Variants in TSGA10 observed in about 807,000 individuals in gnomAD.
The protein encoded by TSGA10 is testis-specific gene 10 protein.
TSGA10 carries 43 observed loss-of-function variants against 96.6 expected under a neutral mutation model. The observed-to-expected ratio is 0.44, with a 90% CI of 0.35 to 0.57. The LOEUF (loss-of-function observed/expected upper bound fraction) is 0.57, where lower values mean the gene tolerates loss of function less well. TSGA10 is among the 20% of genes least tolerant of loss of function. TSGA10 has a pLI of 0.01. For missense variants in TSGA10, 703 were observed against 834.4 expected, an observed-to-expected ratio of 0.84 and a Z score of 1.94; for synonymous variants, 229 against 269.9, an observed-to-expected ratio of 0.85 and a Z score of 1.48.
In TSGA10 at chr2:99,043,575, A is replaced by G. The variant is rs563442848; in HGVS notation, c.1405-8136T>C. Among the ~76,000 whole-genome samples, 8 of 151,564 alleles carry G rather than the reference A, an allele frequency of 5.3e-5. No homozygotes were observed. In the East Asian group the frequency reaches 1.6e-3, roughly 29 times the overall value. On this transcript the variant is annotated intron_variant, in intron 16 of 20. Coordinates refer to ENST00000393483, the MANE Select transcript of TSGA10 (RefSeq NM_025244.4). ...TAGGATAAAAGCTAAGAGATCTACA[A>G]TCAGACACATCATTATAAAAATGCT...
chr2:99,064,843 T>C (rs2085084127), intron 16 of TSGA10, 96 bp downstream of exon 16: 2 of 1,012,940 alleles, frequency 2.0e-6, no homozygotes, highest in Middle Eastern at 3.0e-4. Flanking sequence ...TTAAATAATT[T>C]ACGTGTTTGT....
intron 16 of TSGA10, among the ~76,000 whole-genome samples, chr2:99,047,342 C>T (rs568490565): frequency 4.6e-5 from 7 of 152,246 alleles, no homozygotes; most frequent in South Asian, 2.1e-4. Context: ...ACTGGCAAAC[C>T]GAATCCAGCA....
At chr2:99,062,562 T>C (rs976203642) in intron 16 of TSGA10, among the ~76,000 whole-genome samples, 1 of 152,012 alleles carries the variant, frequency 6.6e-6, no homozygotes. Context: ...ATAGTAAGAC[T>C]CCATTGCTAC....
intron 2 of TSGA10, chr2:99,126,138 TGTAG>T (rs2092810485): frequency 1.3e-5 from 2 of 152,352 alleles, no homozygotes; most frequent in African/African-American, 4.8e-5. Flanking sequence ...GGCACAAGTG[TGTAG>T]GTGAGGCACA....
intron 1 of TSGA10, chr2:99,141,295 CG>C: frequency 2.1e-6 from 1 of 482,588 alleles, no homozygotes. Flanking sequence ...GAGGAGGGGG[CG>C]GTTAGCGCCA....
intron 20 of TSGA10, among the ~76,000 whole-genome samples, chr2:99,003,624 C>A (rs1268973783): frequency 6.6e-6 from 1 of 152,134 alleles, no homozygotes; most frequent in African/African-American, 2.4e-5. Context: ...TGCAATCAAT[C>A]AAATTAGAAC....
chr2:99,141,698 C>CA (rs1259884591), intron 1 of TSGA10: 6 of 152,826 alleles, frequency 3.9e-5, no homozygotes, highest in African/African-American at 1.4e-4. Context: ...CGCGCATGCG[C>CA]AAGGCTGTCT....
chr2:99,033,198 TCA>T (rs2105063548), intron 17 of TSGA10, among the ~76,000 whole-genome samples: 1 of 152,330 alleles, frequency 6.6e-6, no homozygotes, highest in East Asian at 1.9e-4. Flanking sequence ...CCAAAAAATG[TCA>T]CCTGAACTTA....
chr2:99,069,542 G>A (rs1208989186), intron 14 of TSGA10, among the ~76,000 whole-genome samples: 1 of 151,510 alleles, frequency 6.6e-6, no homozygotes, highest in Non-Finnish European at 1.5e-5. Context: ...ACCTCAGCTG[G>A]GTGTTTTTCC....
At chr2:99,079,276 T>C (rs1243921373) in intron 11 of TSGA10, among the ~76,000 whole-genome samples, 1 of 152,208 alleles carries the variant, frequency 6.6e-6, no homozygotes, top group African/African-American at 2.4e-5. Flanking sequence ...TAAAATGTCT[T>C]CTAATATTCT....
chr2:99,004,361 C>G (rs2078268743), intron 20 of TSGA10, among the ~76,000 whole-genome samples: 1 of 151,782 alleles, frequency 6.6e-6, no homozygotes. Context: ...CCGAATTCTA[C>G]CAGAGGTACA....
chr2:99,092,166 A>T (rs573758971), intron 10 of TSGA10, among the ~76,000 whole-genome samples: 1 of 152,284 alleles, frequency 6.6e-6, no homozygotes, highest in South Asian at 2.1e-4. Flanking sequence ...AAATTAAATA[A>T]TCTGCTCCTG....
chr2:99,129,215 A>T (rs2092959596), intron 1 of TSGA10, among the ~76,000 whole-genome samples: 1 of 152,200 alleles, frequency 6.6e-6, no homozygotes, highest in Admixed American at 6.5e-5. Flanking sequence ...ATTGATATTT[A>T]TATATATAGA....
chr2:99,153,264 T>C (rs762560686), intron 1 of TSGA10, among the ~76,000 whole-genome samples: 2 of 152,126 alleles, frequency 1.3e-5, no homozygotes, highest in Non-Finnish European at 2.9e-5. Flanking sequence ...GCTGGAATAA[T>C]GGGGAAAAGC....
chr2:99,114,495 C>T (rs982449234), intron 4 of TSGA10, among the ~76,000 whole-genome samples: 1 of 152,094 alleles, frequency 6.6e-6, no homozygotes, highest in Non-Finnish European at 1.5e-5. Context: ...TTTCCTGTGT[C>T]AGCAATGGTA....
intron 20 of TSGA10, among the ~76,000 whole-genome samples, chr2:99,009,006 G>T (rs560421979): frequency 2.6e-4 from 39 of 152,226 alleles, no homozygotes; most frequent in African/African-American, 8.9e-4. Flanking sequence ...GGGGGTGGAG[G>T]CATGGCTGAT....
intron 16 of TSGA10, among the ~76,000 whole-genome samples, chr2:99,045,272 C>A (rs1243769354): frequency 6.6e-6 from 1 of 152,016 alleles, no homozygotes; most frequent in East Asian, 1.9e-4. Flanking sequence ...AACTCCAAGA[C>A]ACATAATTGT....
chr2:99,106,797 G>C (rs191938413), intron 7 of TSGA10, among the ~76,000 whole-genome samples: 40 of 152,172 alleles, frequency 2.6e-4, no homozygotes, highest in African/African-American at 9.2e-4. Flanking sequence ...CTCCCTAGCT[G>C]TCTGTCATCT....
intron 15 of TSGA10, among the ~76,000 whole-genome samples, chr2:99,067,661 T>G (rs1379315295): frequency 6.6e-6 from 1 of 152,096 alleles, no homozygotes; most frequent in Non-Finnish European, 1.5e-5. Context: ...GAGACCAGAC[T>G]GGCTAACATG....
Sources: gnomAD v4.1 joint callset for allele counts (sites outside exome capture counted in the v4.1 genomes callset) on GRCh38, gnomAD v4.1.1 for gene constraint, MANE v1.5 for transcripts, NCBI Gene and HGNC (gene_info 2026-07-23, HGNC 2026-07-21) for gene names.